KLHDC4: variants seen among roughly 807,000 people sequenced by gnomAD.
KLHDC4 encodes the protein kelch domain containing 4.
In KLHDC4, 90 loss-of-function variants were observed where a neutral mutation model predicts 62.4. The observed-to-expected ratio is 1.44, with a 90% confidence interval of 1.22 to 1.72. The LOEUF (loss-of-function observed/expected upper bound fraction) is 1.72, where lower values mean the gene tolerates loss of function less well. Ranked by LOEUF, KLHDC4 falls within the 40% of genes most tolerant of loss-of-function variation. KLHDC4 has a pLI of 0.00. For missense variants in KLHDC4, 1,025 were observed against 699.7 expected (o/e 1.47, Z -5.25); for synonymous variants, 386 against 284.4 (o/e 1.36, Z -3.59).
downstream of KLHDC4, among the ~76,000 whole-genome samples, chr16:87,707,182 G>A (rs1236060813): frequency 6.6e-6 from 1 of 152,356 alleles, no homozygotes; most frequent in East Asian, 1.9e-4. Flanking sequence ...ACTGGAGCAG[G>A]CCTAGGTTGG....
chr16:87,741,325 G>A (rs557248647), intron 5 of KLHDC4, among the ~76,000 whole-genome samples: 2 of 152,306 alleles, frequency 1.3e-5, no homozygotes, highest in Middle Eastern at 6.8e-3. Flanking sequence ...GAGGTCCATG[G>A]CCTGTTAGGA....
chr16:87,755,418 ACAGGGAGGCCATGGGCTGGGTCCC>A (rs1406045937), intron 3 of KLHDC4, 126 bp from the exon 4 acceptor site: 8 of 577,026 alleles, frequency 1.4e-5, no homozygotes, highest in East Asian at 1.3e-4. Flanking sequence ...CCATACCAGC[ACAGGGAGGCCATGGGCTGGGTCCC>A]CGGGGCCATT....
chr16:87,735,299 CAA>C (rs58357546), intron 5 of KLHDC4, among the ~76,000 whole-genome samples: 8 of 72,590 alleles, frequency 1.1e-4, no homozygotes, highest in Non-Finnish European at 9.1e-5. Context: ...GACTCCGTCT[CAA>C]AAAAAAAAAA....
chr16:87,732,296 A>G (rs1474502468), intron 5 of KLHDC4, among the ~76,000 whole-genome samples: 4 of 151,936 alleles, frequency 2.6e-5, no homozygotes, highest in Non-Finnish European at 5.9e-5. Flanking sequence ...GGGTTTCATC[A>G]TATTGGTCAG....
At chr16:87,754,591 G>A (rs902809071) in intron 4 of KLHDC4, among the ~76,000 whole-genome samples, 1 of 152,206 alleles carries the variant, frequency 6.6e-6, no homozygotes, top group African/African-American at 2.4e-5. Flanking sequence ...GCACTGGAGA[G>A]GCAGGCACTC....
intron 4 of KLHDC4, among the ~76,000 whole-genome samples, chr16:87,753,043 C>G (rs761011054): frequency 6.6e-6 from 1 of 152,228 alleles, no homozygotes; most frequent in Non-Finnish European, 1.5e-5. Context: ...TTCCCTGGAG[C>G]AGGGACAAGG....
At chr16:87,738,802 T>C (rs372789561) in intron 5 of KLHDC4, among the ~76,000 whole-genome samples, 4 of 109,542 alleles carry the variant, frequency 3.7e-5, no homozygotes, top group African/African-American at 8.1e-5. Flanking sequence ...ACCTCATCCA[T>C]CCACACACCA....
chr16:87,706,375 G>T (rs1294266556), downstream of KLHDC4, among the ~76,000 whole-genome samples: 1 of 134,520 alleles, frequency 7.4e-6, no homozygotes, highest in African/African-American at 2.9e-5. Flanking sequence ...GCCCTTGGGG[G>T]GGTCGGCGTG....
At chr16:87,708,242 G>T (rs1202094555) in intron 11 of KLHDC4, 108 bp downstream of exon 11, 3 of 789,056 alleles carry the variant, frequency 3.8e-6, no homozygotes, top group South Asian at 1.8e-5. Context: ...ACACACCAAC[G>T]TTTTTAAAAA....
chr16:87,765,392 C>A, intron 1 of KLHDC4: 1 of 475,288 alleles, frequency 2.1e-6, no homozygotes, highest in African/African-American at 2.0e-5. Flanking sequence ...ACTCCCAGAC[C>A]ACACATCATG....
rs561385176 is a variant in KLHDC4, at chr16:87,751,382, G to A, written c.370-2573C>T. ...CCAGCTACTTGGGAGGCTGAGGCAG[G>A]AGAATCGCTTGAGCCTGGGAGGCAG... On this transcript the variant is annotated intron_variant, in intron 4 of 11. Transcript: ENST00000270583. Among the ~76,000 whole-genome samples the A allele has an allele frequency of 2.0e-5, 3 of 151,934 alleles. No homozygotes were observed. In the East Asian group the frequency reaches 5.8e-4, roughly 29 times the overall value.
intron 4 of KLHDC4, 80 bp from the exon 5 acceptor site, chr16:87,748,889 C>A: frequency 6.6e-7 from 1 of 1,518,284 alleles, no homozygotes; most frequent in Non-Finnish European, 8.9e-7. Context: ...TAGTGGTGAG[C>A]GCTTCAGTAC....
At chr16:87,712,171 G>A (rs375547688) in intron 8 of KLHDC4, among the ~76,000 whole-genome samples, 1 of 152,174 alleles carries the variant, frequency 6.6e-6, no homozygotes, top group Non-Finnish European at 1.5e-5. Flanking sequence ...TTCTCTCTTG[G>A]CACGCGCCTA....
At chr16:87,755,346 T>C in intron 3 of KLHDC4, 54 bp from the exon 4 acceptor site, 3 of 946,112 alleles carry the variant, frequency 3.2e-6, no homozygotes, top group Non-Finnish European at 5.1e-6. Flanking sequence ...TCCAAGGAAG[T>C]GGTGAGAACA....
intron 1 of KLHDC4, chr16:87,763,586 G>A (rs1168675627): frequency 1.3e-5 from 2 of 152,172 alleles, no homozygotes; most frequent in Admixed American, 6.6e-5. Context: ...TGCTCTGGGT[G>A]ACAGAGCAGG....
At chr16:87,701,966 G>T (rs750297894) in exon 1 of KLHDC4, 6 of 456,250 alleles carry the variant, frequency 1.3e-5, no homozygotes, top group South Asian at 9.3e-5. Context: ...TGTCCTTCTT[G>T]GTCATCTTCC....
downstream of KLHDC4, among the ~76,000 whole-genome samples, chr16:87,705,371 C>T (rs575470289): frequency 6.6e-6 from 1 of 152,376 alleles, no homozygotes; most frequent in African/African-American, 2.4e-5. Context: ...CCGCGTCTCC[C>T]ACGGTTCCAC....
intron 9 of KLHDC4, 46 bp downstream of exon 9, chr16:87,711,189 G>C: frequency 6.2e-7 from 1 of 1,600,616 alleles, no homozygotes; most frequent in Non-Finnish European, 8.6e-7. Flanking sequence ...AGGGACCCAA[G>C]TTAGGGCTGC....
chr16:87,747,277 G>A (rs1303216925), intron 5 of KLHDC4, among the ~76,000 whole-genome samples: 2 of 152,126 alleles, frequency 1.3e-5, no homozygotes, highest in Admixed American at 6.6e-5. Context: ...CTCCTCACCT[G>A]TCAATTGTGA....
Sources: gnomAD v4.1 joint callset for allele counts (sites outside exome capture counted in the v4.1 genomes callset) on GRCh38, gnomAD v4.1.1 for gene constraint, MANE v1.5 for transcripts, NCBI Gene and HGNC (gene_info 2026-07-23, HGNC 2026-07-21) for gene names.